SLC26A8: variants seen among roughly 807,000 people sequenced by gnomAD.
The protein encoded by SLC26A8 is testis anion transporter 1.
SLC26A8 carries 70 observed loss-of-function variants against 105.0 expected under a neutral mutation model. The ratio of observed to expected loss-of-function variants is 0.67; its 90% CI spans 0.55 to 0.81. The LOEUF (loss-of-function observed/expected upper bound fraction) is 0.81. Ranked by LOEUF, SLC26A8 falls within the 40% of genes least tolerant of loss-of-function variation. The pLI, the probability that SLC26A8 is intolerant of heterozygous loss-of-function variation, is 0.00. For synonymous variants in SLC26A8, 415 were observed against 438.3 expected, an observed-to-expected ratio of 0.95 and a Z score of 0.66; for missense variants, 998 against 1,181.8, an observed-to-expected ratio of 0.84 and a Z score of 2.28.
Position 35,943,725 on chromosome 6 carries a change from A to G in SLC26A8, c.*175T>C. ...ATAATTGTTGGCATTTAGTAATGTG[A>G]TTTGGGAGTATGATCCCAGCGCAGA... On this transcript the variant is annotated 3_prime_UTR_variant, in exon 20 of 20. Transcript: ENST00000490799. 9 of 870,372 alleles carry G rather than the reference A, an allele frequency of 1.0e-5. No homozygotes were observed. Among genetic ancestry groups the G allele is most frequent in the Non-Finnish European group, 1.4e-5 (8 of 589,354 alleles). 53.9% of individuals were successfully genotyped at this position (870,372 alleles called of 1,614,324 possible).
chr6:35,987,062 T>C (rs1338576823), intron 7 of SLC26A8, among the ~76,000 whole-genome samples: 1 of 152,226 alleles, frequency 6.6e-6, no homozygotes, highest in African/African-American at 2.4e-5. Context: ...TTCTGGGCTT[T>C]ATGAATTAAT....
intron 5 of SLC26A8, among the ~76,000 whole-genome samples, chr6:35,994,137 C>T (rs1339074981): frequency 5.9e-5 from 7 of 117,768 alleles, no homozygotes; most frequent in Admixed American, 5.3e-4. Flanking sequence ...TTTTTTGAGA[C>T]GGAGTCTTGC....
chr6:35,977,487 G>C, intron 8 of SLC26A8, 136 bp from the exon 9 acceptor site: 1 of 944,204 alleles, frequency 1.1e-6, no homozygotes, highest in Non-Finnish European at 1.5e-6. Flanking sequence ...CGGAGTGATT[G>C]AGGCAGCAGC....
At chr6:36,019,396 A>G in intron 2 of SLC26A8, 124 bp downstream of exon 2, 1 of 1,056,374 alleles carries the variant, frequency 9.5e-7, no homozygotes, top group East Asian at 2.7e-5. Context: ...GAAAAATTGC[A>G]CAATAAACTG....
At chr6:35,964,537 C>T (rs1317240915) in intron 11 of SLC26A8, among the ~76,000 whole-genome samples, 2 of 151,854 alleles carry the variant, frequency 1.3e-5, no homozygotes, top group Non-Finnish European at 2.9e-5. Context: ...ATCTCAGCCA[C>T]TCGGGAGGCT....
intron 11 of SLC26A8, 79 bp downstream of exon 11, chr6:35,968,798 A>ACCCCCCCCCCC: frequency 2.7e-5 from 1 of 37,310 alleles, no homozygotes; most frequent in East Asian, 2.1e-3. Flanking sequence ...CCAGCCCCTT[A>ACCCCCCCCCCC]CCCCCCGCAC....
rs2127290267 is a variant in SLC26A8 at position 35,951,183 on chromosome 6, T to C, written c.2452A>G (p.Thr818Ala). Residue 818 changes from threonine to alanine, a missense_variant, in exon 19 of 20, where the codon ACC becomes GCC. Physicochemically the swap from Thr to Ala is moderately conservative, Grantham distance 58 (BLOSUM62 0). Coordinates refer to ENST00000490799, the MANE Select transcript of SLC26A8 (RefSeq NM_052961.4). ...CTGACCTTGTCTGTTTCTGAGTAGGTTTCCCGTATCACTGTCTCGGATTCA... is the reference window on the plus strand; with the variant it reads ...CTGACCTTGTCTGTTTCTGAGTAGGCTTCCCGTATCACTGTCTCGGATTCA... ...IDESETVIRE[T>A]YSETDKNDNS... The C allele has an allele frequency of 6.2e-7, 1 of 1,609,808 alleles. No individual in the cohort carries two copies. Among genetic ancestry groups the C allele is most frequent in the East Asian group, 2.2e-5 (1 of 44,646 alleles).
At position 35,958,162 on chromosome 6, in the gene SLC26A8, C is replaced by G. The variant is rs192924491; in HGVS notation, c.1863+1298G>C. Among the ~76,000 whole-genome samples the G allele has an allele frequency of 9.8e-4, 150 of 152,316 alleles. 2 individuals carry two copies. The highest frequency in any genetic ancestry group is 3.5e-3 in the African/African-American group (144 of 41,580). ...TGATGCTACCACAAAGTTTTTCTGA[C>G]TTTTGAGCTCATGCCAATCTCCCCT... On this transcript the variant is annotated intron_variant, in intron 16 of 19. Transcript: ENST00000490799.
At chr6:35,968,087 A>G (rs538035633) in intron 11 of SLC26A8, among the ~76,000 whole-genome samples, 4 of 151,992 alleles carry the variant, frequency 2.6e-5, no homozygotes, top group Non-Finnish European at 5.9e-5. Flanking sequence ...ACCTCAAGTG[A>G]TCTGCACACC....
intron 3 of SLC26A8, among the ~76,000 whole-genome samples, chr6:36,005,045 A>C (rs1761647809): frequency 6.6e-6 from 1 of 152,130 alleles, no homozygotes; most frequent in Non-Finnish European, 1.5e-5. Flanking sequence ...AATGCTGGGA[A>C]GGTAAGAGAA....
Position 35,955,320 on chromosome 6 carries a change from GTTA to G in SLC26A8, c.2061_2063del (p.Asn688del). The G allele has an allele frequency of 6.2e-7, 1 of 1,614,202 alleles. No individual in the cohort carries two copies. The highest frequency in any genetic ancestry group is 8.5e-7 in the Non-Finnish European group (1 of 1,180,042). Reference sequence around the variant, plus strand: ...GTCCTGGTGAGCTGTTTCTTGATGAGTTATTAGGAAGCCAAACTTCCTCCACCT... The same window carrying G: ...GTCCTGGTGAGCTGTTTCTTGATGAGTTAGGAAGCCAAACTTCCTCCACCT... On this transcript the variant is annotated inframe_deletion, in exon 17 of 20. Transcript: ENST00000490799.
chr6:35,943,789 A>G lies in SLC26A8; in HGVS notation c.*111T>C. 6.8e-7 allele frequency: 1 copy of G among 1,463,730 alleles called. No individual in the cohort carries two copies. Among genetic ancestry groups the G allele is most frequent in the Non-Finnish European group, 9.1e-7 (1 of 1,093,618 alleles). The allele number at this position is 1,463,730 out of a possible 1,614,324, so 90.7% of individuals were successfully genotyped here. ...CTGGCAGGTAGTAGGAGTCACAGTC[A>G]GGAAGGAAGTACTGCTAGTTCGTAT... On this transcript the variant is annotated 3_prime_UTR_variant, in exon 20 of 20. Transcript: ENST00000490799.
At chr6:35,951,521 G>A in intron 17 of SLC26A8, 22 bp from the exon 18 acceptor site, 1 of 1,613,634 alleles carries the variant, frequency 6.2e-7, no homozygotes, top group Non-Finnish European at 8.5e-7. Context: ...GAGAAAACCA[G>A]TATCAGAAGG....
intron 3 of SLC26A8, among the ~76,000 whole-genome samples, chr6:36,009,770 A>G (rs1226827541): frequency 6.6e-6 from 1 of 152,222 alleles, no homozygotes; most frequent in Non-Finnish European, 1.5e-5. Flanking sequence ...AGTGTTCTCT[A>G]TCTTGACTGA....
At chr6:36,020,379 G>A (rs1762099951) in intron 1 of SLC26A8, among the ~76,000 whole-genome samples, 1 of 152,180 alleles carries the variant, frequency 6.6e-6, no homozygotes, top group Admixed American at 6.5e-5. Flanking sequence ...TACAGTTAGT[G>A]GCCTCATGGT....
intron 10 of SLC26A8, among the ~76,000 whole-genome samples, chr6:35,971,827 G>A (rs529288740): frequency 3.2e-4 from 49 of 152,274 alleles, no homozygotes; most frequent in Non-Finnish European, 6.0e-4. Context: ...AAAGCTGTTC[G>A]GGGAGCCTGG....
At chr6:35,992,106 A>C (rs1761187188) in intron 6 of SLC26A8, among the ~76,000 whole-genome samples, 1 of 152,192 alleles carries the variant, frequency 6.6e-6, no homozygotes, top group African/African-American at 2.4e-5. Flanking sequence ...TTCCCAAATA[A>C]TATACTGTAG....
At chr6:35,997,703 G>T (rs367762106) in intron 5 of SLC26A8, 35 bp downstream of exon 5, 9 of 1,604,210 alleles carry the variant, frequency 5.6e-6, no homozygotes, top group Non-Finnish European at 7.7e-6. Flanking sequence ...CCTTTATTCA[G>T]TTCCTTTTCA....
chr6:35,959,881 C>T, intron 14 of SLC26A8, 75 bp from the exon 15 acceptor site: 1 of 1,124,486 alleles, frequency 8.9e-7, no homozygotes, highest in Non-Finnish European at 1.3e-6. Context: ...TCCTTAGAAG[C>T]TCCTAGAGAG....
Sources: allele counts gnomAD v4.1 joint callset (sites outside exome capture counted in the v4.1 genomes callset), GRCh38; gene constraint gnomAD v4.1.1; transcripts MANE v1.5; gene names NCBI Gene and HGNC (gene_info 2026-07-23, HGNC 2026-07-21).